DLC1: variants seen among roughly 807,000 people sequenced by gnomAD.
DLC1 encodes the protein DLC1 Rho GTPase activating protein, also known as rho GTPase-activating protein 7.
A neutral mutation model predicts 140.3 loss-of-function variants in DLC1; 54 were observed. The observed-to-expected ratio is 0.38, with a 90% CI of 0.31 to 0.48. The LOEUF (loss-of-function observed/expected upper bound fraction) is 0.48, where lower values mean the gene tolerates loss of function less well. DLC1 is among the 20% of genes least tolerant of loss of function. DLC1 has a pLI of 0.96. For missense variants in DLC1, 2,536 were observed against 1,907.0 expected (o/e 1.33, Z -6.14); for synonymous variants, 986 against 728.1 (o/e 1.35, Z -5.70).
intron 1 of DLC1, chr8:13,558,734 G>A (rs1018248683): frequency 6.6e-6 from 1 of 152,130 alleles, no homozygotes; most frequent in Non-Finnish European, 1.5e-5. Flanking sequence ...ATTACACAGT[G>A]TAATTAATTT....
intron 2 of DLC1, among the ~76,000 whole-genome samples, chr8:13,460,682 A>G (rs1321901926): frequency 6.6e-6 from 1 of 152,122 alleles, no homozygotes; most frequent in Non-Finnish European, 1.5e-5. Context: ...GGACGCAGAT[A>G]GACACTTCTG....
chr8:13,416,548 C>G (rs2117323600), intron 2 of DLC1, among the ~76,000 whole-genome samples: 1 of 152,166 alleles, frequency 6.6e-6, no homozygotes, highest in Non-Finnish European at 1.5e-5. Flanking sequence ...CAGAGAGATT[C>G]CCACCTATTC....
intron 3 of DLC1, among the ~76,000 whole-genome samples, chr8:13,394,431 G>A (rs1197695430): frequency 1.3e-5 from 2 of 152,154 alleles, no homozygotes; most frequent in African/African-American, 2.4e-5. Flanking sequence ...ACTACATAGT[G>A]TGAGGTCAAG....
upstream of DLC1, among the ~76,000 whole-genome samples, chr8:13,516,317 G>T (rs901570738): frequency 2.0e-5 from 3 of 152,262 alleles, no homozygotes; most frequent in South Asian, 2.1e-4. Flanking sequence ...TCTTAAACTT[G>T]TTGGCCCTAA....
chr8:13,301,825 A>T (rs1832206394), intron 5 of DLC1, among the ~76,000 whole-genome samples: 1 of 152,156 alleles, frequency 6.6e-6, no homozygotes, highest in African/African-American at 2.4e-5. Context: ...CCCTGTTGTG[A>T]ACTGCACATG....
chr8:13,118,644 A>T (rs777370896), intron 5 of DLC1, among the ~76,000 whole-genome samples: 2 of 152,226 alleles, frequency 1.3e-5, no homozygotes, highest in African/African-American at 2.4e-5. Flanking sequence ...TTTCCAATTC[A>T]TAGGTCAAGA....
At chr8:13,187,567 T>A (rs1172330467) in intron 5 of DLC1, among the ~76,000 whole-genome samples, 1 of 152,120 alleles carries the variant, frequency 6.6e-6, no homozygotes, top group Non-Finnish European at 1.5e-5. Flanking sequence ...GGACTATTGA[T>A]GATATAGAGG....
At chr8:13,276,444 G>C in intron 5 of DLC1, 2 of 1,414,370 alleles carry the variant, frequency 1.4e-6, no homozygotes, top group Non-Finnish European at 1.8e-6. Context: ...CCGCGACCAT[G>C]CCTCGGTACT....
intron 5 of DLC1, among the ~76,000 whole-genome samples, chr8:13,303,620 G>A (rs1373112423): frequency 1.3e-5 from 2 of 151,986 alleles, no homozygotes; most frequent in African/African-American, 4.8e-5. Flanking sequence ...TGGCCAACAT[G>A]GCGAAACCCC....
intron 4 of DLC1, among the ~76,000 whole-genome samples, chr8:13,382,505 CAAAAAA>C (rs71207149): frequency 1.1e-4 from 4 of 35,508 alleles, no homozygotes; most frequent in African/African-American, 2.6e-4. Flanking sequence ...GACTCCGTCT[CAAAAAA>C]AAAAAAAAAA....
intron 5 of DLC1, among the ~76,000 whole-genome samples, chr8:13,144,145 A>T (rs1823243451): frequency 6.6e-6 from 1 of 152,220 alleles, no homozygotes; most frequent in South Asian, 2.1e-4. Context: ...CCCAATTTGG[A>T]CAGGCACTGT....
At chr8:13,517,672 C>A (rs1047517011), upstream of DLC1, among the ~76,000 whole-genome samples, 2 of 152,184 alleles carry the variant, frequency 1.3e-5, no homozygotes, top group East Asian at 1.9e-4. Flanking sequence ...TAAATACCAA[C>A]TTCCTTAAAT....
intron 2 of DLC1, among the ~76,000 whole-genome samples, chr8:13,476,167 T>C (rs1432308076): frequency 2.0e-5 from 3 of 152,368 alleles, no homozygotes; most frequent in East Asian, 3.9e-4. Context: ...GAAGTGCTTA[T>C]AATACTGCTT....
intron 5 of DLC1, among the ~76,000 whole-genome samples, chr8:13,175,575 T>C (rs940275361): frequency 2.0e-5 from 3 of 152,148 alleles, no homozygotes; most frequent in Admixed American, 1.3e-4. Context: ...AAAAAATAAC[T>C]CTATAGACTC....
In DLC1 at chr8:13,242,507, C is replaced by T. The variant is rs148490704; in HGVS notation, c.1348+62762G>A. 1.3e-4 allele frequency among the ~76,000 whole-genome samples: 20 copies of T among 152,116 alleles called. No homozygotes were observed. In the East Asian group the frequency reaches 2.1e-3, roughly 16 times the overall value. On this transcript the variant is annotated intron_variant, in intron 5 of 17. Coordinates refer to ENST00000276297, the MANE Select transcript of DLC1 (RefSeq NM_182643.3). The stretch of plus-strand genomic sequence containing the variant: ...ACCTCCCGGGCTCAATGGATCCTCC[C>T]GCCTCAGTTTCCCAAGTAGTTGGGA...
intron 1 of DLC1, among the ~76,000 whole-genome samples, chr8:13,523,962 A>G (rs938042806): frequency 6.6e-6 from 1 of 151,754 alleles, no homozygotes; most frequent in African/African-American, 2.4e-5. Flanking sequence ...ATTATTAAGT[A>G]GGAGAGAGGG....
At chr8:13,254,549 C>A (rs1024166987) in intron 5 of DLC1, among the ~76,000 whole-genome samples, 2 of 152,140 alleles carry the variant, frequency 1.3e-5, no homozygotes, top group African/African-American at 4.8e-5. Flanking sequence ...GCATAATAAA[C>A]CAAGCTAATG....
intron 5 of DLC1, chr8:13,276,198 G>A: frequency 1.3e-6 from 2 of 1,521,424 alleles, no homozygotes; most frequent in Non-Finnish European, 1.8e-6. Context: ...CTGCGTCTTC[G>A]CAGTAAATTG....
intron 1 of DLC1, among the ~76,000 whole-genome samples, chr8:13,572,467 C>T (rs1049670871): frequency 8.5e-5 from 13 of 152,120 alleles, no homozygotes; most frequent in Admixed American, 7.9e-4. Context: ...TCTTTTTATA[C>T]ACACAAGTTT....
Sources: allele counts gnomAD v4.1 joint callset (sites outside exome capture counted in the v4.1 genomes callset), GRCh38; gene constraint gnomAD v4.1.1; transcripts MANE v1.5; gene names NCBI Gene and HGNC (gene_info 2026-07-23, HGNC 2026-07-21).